MARS1: variants seen among roughly 807,000 people sequenced by gnomAD.
MARS1 encodes the protein methionyl-tRNA synthetase 1.
A neutral mutation model predicts 119.5 loss-of-function variants in MARS1; 80 were observed. The ratio of observed to expected loss-of-function variants is 0.67; its 90% CI spans 0.56 to 0.81. The LOEUF is 0.81. MARS1 is among the 30% of genes least tolerant of loss of function. The probability of loss-of-function intolerance (pLI) is 0.00; values close to 1 mark genes in which losing one functional copy is unlikely to be tolerated. For synonymous variants in MARS1, 418 were observed against 433.4 expected, an observed-to-expected ratio of 0.96 and a Z score of 0.44; for missense variants, 945 against 1,116.5, an observed-to-expected ratio of 0.85 and a Z score of 2.19.
intron 1 of MARS1, chr12:57,488,654 G>T: frequency 6.4e-7 from 1 of 1,550,642 alleles, no homozygotes; most frequent in South Asian, 1.2e-5. Flanking sequence ...CTCTTAGGAG[G>T]TTCTCTTGTA....
At position 57,507,308 on chromosome 12, in the gene MARS1, C is replaced by G. The variant is rs1267461395; in HGVS notation, c.1368+3009C>G. ...CTCAATCTTTTCCCCACCTTTCCCC[C>G]CTTTCTATTCCACAAAACCGCCATT... On this transcript the variant is annotated intron_variant, in intron 11 of 20. Coordinates refer to ENST00000262027, the MANE Select transcript of MARS1 (RefSeq NM_004990.4). 3.4e-5 allele frequency among the ~76,000 whole-genome samples: 5 copies of G among 148,866 alleles called. No individual in the cohort carries two copies. In the South Asian group the frequency reaches 8.7e-4, roughly 26 times the overall value.
intron 14 of MARS1, 138 bp from the exon 15 acceptor site, chr12:57,512,613 A>C (rs1277769902): frequency 4.1e-6 from 3 of 733,608 alleles, no homozygotes; most frequent in Non-Finnish European, 6.8e-6. Flanking sequence ...AAATCTGAGC[A>C]TACCAGCCCC....
intron 2 of MARS1, 23 bp downstream of exon 2, chr12:57,489,132 G>A: frequency 6.2e-7 from 1 of 1,611,230 alleles, no homozygotes; most frequent in Non-Finnish European, 8.5e-7. Flanking sequence ...CCTTGGTGTA[G>A]GGAGGTGGCT....
At chr12:57,514,697 C>G (rs747295584) in intron 15 of MARS1, 23 bp from the exon 16 acceptor site, 2 of 1,613,496 alleles carry the variant, frequency 1.2e-6, no homozygotes, top group Non-Finnish European at 1.7e-6. Context: ...TTTTCCACTT[C>G]TGCTTTCCTA....
At chr12:57,504,695 AT>A (rs34351056) in intron 11 of MARS1, among the ~76,000 whole-genome samples, 8,008 of 83,254 alleles carry the variant, frequency 0.096, 204 homozygotes, top group African/African-American at 0.19. Context: ...TGCCTGACTG[AT>A]TTTTTTTTTT....
intron 2 of MARS1, 51 bp from the exon 3 acceptor site, chr12:57,489,216 G>C: frequency 6.2e-7 from 1 of 1,604,278 alleles, no homozygotes; most frequent in Non-Finnish European, 8.5e-7. Flanking sequence ...ATGAGAAATG[G>C]GCTAAATGGG....
intron 4 of MARS1, 107 bp downstream of exon 4, chr12:57,489,665 T>C: frequency 6.8e-7 from 1 of 1,475,704 alleles, no homozygotes; most frequent in Non-Finnish European, 9.3e-7. Context: ...TTACTAGTAG[T>C]GTAATCTTGG....
chr12:57,512,277 C>T lies in MARS1; in HGVS notation c.1677C>T (p.Phe559=), dbSNP rs1205481810. ...TCATGGCCAAAGACAATGTTCCTTT[C>T]CATAGCTTAGTCTTTCCTTGCTCAG... ...YQFMAKDNVP[F]HSLVFPCSAL... Residue 559 remains phenylalanine, a synonymous_variant, in exon 14 of 21, where the codon TTC becomes TTT. Coordinates refer to ENST00000262027, the MANE Select transcript of MARS1 (RefSeq NM_004990.4). 1 of 1,614,140 alleles carries T rather than the reference C, an allele frequency of 6.2e-7. No homozygotes were observed. The highest frequency in any genetic ancestry group is 1.1e-5 in the South Asian group (1 of 91,086).
At chr12:57,514,903 G>T in intron 16 of MARS1, 51 bp from the exon 17 acceptor site, 1 of 1,613,850 alleles carries the variant, frequency 6.2e-7, no homozygotes, top group Non-Finnish European at 8.5e-7. Context: ...GAGCCTCCTT[G>T]TATTGGTCTC....
At chr12:57,495,700 G>T (rs1876583929) in intron 7 of MARS1, among the ~76,000 whole-genome samples, 2 of 152,228 alleles carry the variant, frequency 1.3e-5, no homozygotes, top group African/African-American at 4.8e-5. Flanking sequence ...CTGCACTCCA[G>T]CCTGGGCAAC....
chr12:57,508,109 T>C (rs369649574), intron 11 of MARS1, among the ~76,000 whole-genome samples: 2 of 150,316 alleles, frequency 1.3e-5, no homozygotes, highest in East Asian at 2.0e-4. Context: ...GGATGGCAGC[T>C]GGGAAGAGGC....
In MARS1 at chr12:57,515,350, C is replaced by T; in HGVS notation, c.2391+14C>T. 4 of 1,609,240 alleles carry T rather than the reference C, an allele frequency of 2.5e-6. No homozygotes were observed. The highest frequency in any genetic ancestry group is 2.5e-6 in the Non-Finnish European group (3 of 1,178,980). ...CAGATTGGCACAGTAGGTGGAAGAG[C>T]CAGCCTCTCTTAAAATTGATACTCT... On this transcript the variant is annotated intron_variant, in intron 18 of 20. Transcript: ENST00000262027.
intron 7 of MARS1, 32 bp from the exon 8 acceptor site, chr12:57,498,125 C>CA (rs772113934): frequency 7.1e-7 from 1 of 1,414,496 alleles, no homozygotes; most frequent in Non-Finnish European, 1.0e-6. Flanking sequence ...CACATCCCCC[C>CA]ATGCACTGTT....
chr12:57,491,822 T>A (rs1594809460), intron 7 of MARS1, among the ~76,000 whole-genome samples: 1 of 152,186 alleles, frequency 6.6e-6, no homozygotes, highest in South Asian at 2.1e-4. Flanking sequence ...TGTTTGCCAT[T>A]CAATAAACAT....
rs550067774 is a variant in MARS1 at position 57,500,313 on chromosome 12, C to T, written c.1092-8C>T. ...TGTCTCTTCCTGATCCCTGGCCCAC[C>T]TCACCAGAATCACCCAGGACATTTT... On this transcript the variant is annotated splice_region_variant and splice_polypyrimidine_tract_variant and intron_variant, in intron 9 of 20. Transcript: ENST00000262027. The T allele has an allele frequency of 8.1e-6, 13 of 1,613,724 alleles. 1 individual carries two copies. The South Asian group carries it at 1.3e-4, about 16-fold the overall frequency.
intron 11 of MARS1, among the ~76,000 whole-genome samples, chr12:57,507,559 C>T (rs1286608222): frequency 2.3e-5 from 3 of 131,056 alleles, no homozygotes; most frequent in African/African-American, 6.0e-5. Flanking sequence ...TAGGGGCGGC[C>T]GGGCAGAGGC....
At chr12:57,488,480 C>T (rs754397690) in intron 1 of MARS1, 25 of 1,311,206 alleles carry the variant, frequency 1.9e-5, no homozygotes, top group Non-Finnish European at 2.6e-5. Context: ...CCTTCCCAAC[C>T]TTCTCCTACA....
intron 14 of MARS1, 178 bp downstream of exon 14, chr12:57,512,531 C>G: frequency 1.5e-6 from 1 of 648,068 alleles, no homozygotes; most frequent in Non-Finnish European, 2.7e-6. Flanking sequence ...AAGCAAAAGT[C>G]TAAAGCTAAA....
At chr12:57,489,703 AT>A in intron 4 of MARS1, 145 bp downstream of exon 4, 1 of 1,254,546 alleles carries the variant, frequency 8.0e-7, no homozygotes, top group Non-Finnish European at 1.1e-6. Flanking sequence ...CTAATCCTCA[AT>A]TTTTTTCAGT....
Sources: allele counts gnomAD v4.1 joint callset (sites outside exome capture counted in the v4.1 genomes callset), GRCh38; gene constraint gnomAD v4.1.1; transcripts MANE v1.5; gene names NCBI Gene and HGNC (gene_info 2026-07-23, HGNC 2026-07-21).